Variants in FYB1 observed in about 807,000 individuals in gnomAD.
The protein encoded by FYB1 is FYN-binding protein 1.
Under a neutral mutation model 94.1 loss-of-function variants are expected in FYB1, and 41 were observed. The observed-to-expected ratio is 0.44, with a 90% CI of 0.34 to 0.57. The LOEUF (loss-of-function observed/expected upper bound fraction) is 0.57. Ranked by LOEUF, FYB1 falls within the 20% of genes least tolerant of loss-of-function variation. The pLI is 0.02. For missense variants in FYB1, 1,050 were observed against 976.8 expected (o/e 1.07, Z -1.00); for synonymous variants, 367 against 353.2 (o/e 1.04, Z -0.44).
In FYB1 at chr5:39,135,052, A is replaced by G. The variant is rs372134065; in HGVS notation, c.1516-38T>C. 12 of 1,600,378 alleles carry G rather than the reference A, an allele frequency of 7.5e-6. No individual in the cohort carries two copies. The African/African-American group carries it at 1.5e-4, about 20-fold the overall frequency. ...AAAAATAGTCACAAAAGATTTCCTTATAATTTAGAAAATCTTTAAGGAATG... is the reference window on the plus strand; with the variant it reads ...AAAAATAGTCACAAAAGATTTCCTTGTAATTTAGAAAATCTTTAAGGAATG... On this transcript the variant is annotated intron_variant, in intron 7 of 18. Coordinates refer to ENST00000512982, the MANE Select transcript of FYB1 (RefSeq NM_001465.6).
chr5:39,156,689 C>T (rs1743794043), intron 2 of FYB1, among the ~76,000 whole-genome samples: 1 of 152,008 alleles, frequency 6.6e-6, no homozygotes, highest in South Asian at 2.1e-4. Flanking sequence ...TGCATGTATA[C>T]AAAATAATTC....
intron 1 of FYB1, among the ~76,000 whole-genome samples, chr5:39,215,704 G>A (rs570973112): frequency 4.6e-5 from 7 of 152,310 alleles, no homozygotes; most frequent in African/African-American, 1.4e-4. Flanking sequence ...GGCAAGGATT[G>A]GGGCACCTTT....
At chr5:39,233,385 A>G (rs918921234) in intron 1 of FYB1, among the ~76,000 whole-genome samples, 2 of 152,058 alleles carry the variant, frequency 1.3e-5, no homozygotes, top group Admixed American at 6.6e-5. Flanking sequence ...TCAGTTAATC[A>G]TTGCTTACAA....
chr5:39,173,345 T>C (rs1342034342), intron 2 of FYB1, among the ~76,000 whole-genome samples: 1 of 152,198 alleles, frequency 6.6e-6, no homozygotes, highest in Non-Finnish European at 1.5e-5. Context: ...ATATTAGACC[T>C]TTGTCAGATG....
chr5:39,119,553 G>C lies in FYB1; in HGVS notation c.2220C>G (p.Asp740Glu). ...GACATACTTTAAATTTTTTCCTGAA[G>C]TCTTTTTCTTCTTTTTCCTGCTTTT... ...KLKKQEKEEK[D>E]FRKKFKYDGE... The change falls in exon 15 of 19, where the codon GAC becomes GAG. Residue 740 changes from aspartate (D) to glutamate (E), a missense_variant. Transcript: ENST00000512982. The C allele has an allele frequency of 6.5e-7, 1 of 1,540,908 alleles. No homozygotes were observed. The highest frequency in any genetic ancestry group is 2.4e-5 in the East Asian group (1 of 41,150).
chr5:39,156,504 T>G (rs142109441), intron 2 of FYB1, among the ~76,000 whole-genome samples: 69 of 152,322 alleles, frequency 4.5e-4, no homozygotes, highest in Non-Finnish European at 9.1e-4. Flanking sequence ...TTTGGACAAT[T>G]GTCAAAGATA....
At chr5:39,233,514 G>T (rs962457818) in intron 1 of FYB1, among the ~76,000 whole-genome samples, 2 of 152,092 alleles carry the variant, frequency 1.3e-5, no homozygotes. Context: ...TTTTGTTAAC[G>T]TTGGTAATAA....
intron 16 of FYB1, among the ~76,000 whole-genome samples, chr5:39,113,609 G>A (rs990134795): frequency 6.6e-6 from 1 of 151,986 alleles, no homozygotes; most frequent in South Asian, 2.1e-4. Flanking sequence ...ATTAACCAAG[G>A]AAATAGAAAA....
intron 2 of FYB1, chr5:39,170,080 G>A: frequency 1.2e-6 from 1 of 831,766 alleles, no homozygotes. Context: ...TTTCACATTT[G>A]CAGTGCCAGC....
At chr5:39,231,337 C>A (rs547093384) in intron 1 of FYB1, among the ~76,000 whole-genome samples, 1 of 152,062 alleles carries the variant, frequency 6.6e-6, no homozygotes, top group African/African-American at 2.4e-5. Flanking sequence ...ATGGCAAGTA[C>A]GAAATACATG....
intron 1 of FYB1, among the ~76,000 whole-genome samples, chr5:39,243,322 G>C (rs1259154010): frequency 6.6e-6 from 1 of 151,752 alleles, no homozygotes; most frequent in South Asian, 2.1e-4. Context: ...TTTGTATAAG[G>C]TGTAAGGAAG....
At chr5:39,147,042 T>A (rs74634649) in intron 3 of FYB1, among the ~76,000 whole-genome samples, 4,214 of 151,934 alleles carry the variant, frequency 0.028, 95 homozygotes, top group Non-Finnish European at 0.038. Flanking sequence ...ACAGCCCAAG[T>A]CATAAGAAAC....
At chr5:39,111,266 A>G (rs1739052475) in intron 16 of FYB1, among the ~76,000 whole-genome samples, 1 of 151,952 alleles carries the variant, frequency 6.6e-6, no homozygotes, top group African/African-American at 2.4e-5. Context: ...TGTATGCTTG[A>G]GATTAGTACC....
In FYB1 at chr5:39,153,600, A is replaced by T. The variant is rs1195958899; in HGVS notation, c.1140T>A (p.Thr380=). ...KFHKTSSGNS[T]SKGQTSYSTT... ...TTGAGTAAGACGTCTGGCCTTTGCT[A>T]GTACCTAAGAAGCAAAGCAAACAAT... The change falls in exon 3 of 19, where the codon ACT becomes ACA. Residue 380 remains threonine, a synonymous_variant. Coordinates refer to ENST00000512982, the MANE Select transcript of FYB1 (RefSeq NM_001465.6). 1.9e-6 allele frequency: 3 copies of T among 1,608,128 alleles called. No individual in the cohort carries two copies. The East Asian group carries it at 6.7e-5, about 36-fold the overall frequency.
At position 39,236,102 on chromosome 5, in the gene FYB1, T is replaced by G. The variant is rs1750954387; in HGVS notation, c.-27-33115A>C. The stretch of plus-strand genomic sequence containing the variant: ...CTAAACCTCTCAGATACTAGATAAA[T>G]TCTAGGTGTGCCACAAGATTTTAAA... On this transcript the variant is annotated intron_variant, in intron 1 of 1. Coordinates refer to the FYB1 transcript ENST00000510188. Among the ~76,000 whole-genome samples, 3 of 152,072 alleles carry G rather than the reference T, an allele frequency of 2.0e-5. No homozygotes were observed. The South Asian group carries it at 6.2e-4, about 32-fold the overall frequency.
chr5:39,218,944 T>C (rs139864776), intron 1 of FYB1, among the ~76,000 whole-genome samples: 3 of 152,364 alleles, frequency 2.0e-5, no homozygotes, highest in African/African-American at 7.2e-5. Flanking sequence ...CATGGCAGTA[T>C]AGTCCCTTTC....
intron 1 of FYB1, among the ~76,000 whole-genome samples, chr5:39,205,682 A>G (rs887733540): frequency 2.0e-5 from 3 of 152,152 alleles, no homozygotes; most frequent in African/African-American, 7.2e-5. Context: ...TTGGAACGTA[A>G]GTCTCTCAGC....
intron 2 of FYB1, among the ~76,000 whole-genome samples, chr5:39,195,551 AG>A (rs982290727): frequency 2.9e-4 from 44 of 152,156 alleles, no homozygotes; most frequent in African/African-American, 9.7e-4. Context: ...ACAGATGAGG[AG>A]GGGGCCATCA....
intron 1 of FYB1, among the ~76,000 whole-genome samples, chr5:39,257,296 A>G (rs6896829): frequency 0.32 from 48,907 of 152,008 alleles, 9,568 homozygotes; most frequent in African/African-American, 0.56. Flanking sequence ...AGTTTTTGGG[A>G]AAAAGTAGGA....
Sources: gnomAD v4.1 joint callset for allele counts (sites outside exome capture counted in the v4.1 genomes callset) on GRCh38, gnomAD v4.1.1 for gene constraint, MANE v1.5 for transcripts, NCBI Gene and HGNC (gene_info 2026-07-23, HGNC 2026-07-21) for gene names.